LPP: variants seen among roughly 807,000 people sequenced by gnomAD.
The protein encoded by LPP is LIM domain containing preferred translocation partner in lipoma.
Under a neutral mutation model 60.4 loss-of-function variants are expected in LPP, and 38 were observed. That is an observed-to-expected ratio of 0.63 (90% CI 0.49 to 0.83). The LOEUF is 0.83. Among genes scored for constraint, LPP ranks in the 40% least tolerant of loss-of-function variants. The pLI is 0.00. For missense variants in LPP, 902 were observed against 783.6 expected (o/e 1.15, Z -1.80); for synonymous variants, 328 against 290.8 (o/e 1.13, Z -1.30).
intron 1 of LPP, among the ~76,000 whole-genome samples, chr3:188,203,388 A>G (rs1467528493): frequency 2.3e-5 from 2 of 86,574 alleles, no homozygotes; most frequent in Admixed American, 2.1e-4. Flanking sequence ...TAATATTTAT[A>G]TATTAATATA....
At chr3:188,740,962 C>A (rs1322807146) in intron 8 of LPP, among the ~76,000 whole-genome samples, 2 of 151,878 alleles carry the variant, frequency 1.3e-5, no homozygotes, top group East Asian at 1.9e-4. Context: ...AAATTTGAGG[C>A]AAAAACATTA....
chr3:188,675,571 C>T (rs1290892215), intron 7 of LPP, among the ~76,000 whole-genome samples: 1 of 152,110 alleles, frequency 6.6e-6, no homozygotes, highest in African/African-American at 2.4e-5. Flanking sequence ...AGCTTAGAAG[C>T]CAGTATATCA....
chr3:188,769,177 G>A (rs1186031287), intron 9 of LPP, among the ~76,000 whole-genome samples: 1 of 152,146 alleles, frequency 6.6e-6, no homozygotes, highest in Non-Finnish European at 1.5e-5. Context: ...AGTTTTGCAT[G>A]AATAATTAAC....
At chr3:188,375,155 G>C (rs56074231) in intron 3 of LPP, among the ~76,000 whole-genome samples, 2,550 of 152,202 alleles carry the variant, frequency 0.017, 43 homozygotes, top group Non-Finnish European at 0.026. Context: ...CAAGGATATT[G>C]GTCTAAAATT....
At chr3:188,337,419 G>A (rs751746503) in intron 2 of LPP, among the ~76,000 whole-genome samples, 9 of 152,204 alleles carry the variant, frequency 5.9e-5, no homozygotes, top group Non-Finnish European at 1.2e-4. Flanking sequence ...GAGGTCTGTA[G>A]CTGTTCAAGG....
At chr3:188,793,955 T>C (rs183040318) in intron 9 of LPP, among the ~76,000 whole-genome samples, 47 of 152,284 alleles carry the variant, frequency 3.1e-4, no homozygotes, top group Admixed American at 2.8e-3. Flanking sequence ...AGACTATTCA[T>C]AGCTCCAACT....
chr3:188,457,708 T>C (rs138273845), intron 4 of LPP, among the ~76,000 whole-genome samples: 5,188 of 141,892 alleles, frequency 0.037, 326 homozygotes, highest in African/African-American at 0.13. Flanking sequence ...CTGGCTAACA[T>C]GATGAAACAC....
At chr3:188,214,128 T>C (rs574542009) in intron 1 of LPP, among the ~76,000 whole-genome samples, 1 of 152,202 alleles carries the variant, frequency 6.6e-6, no homozygotes, top group East Asian at 1.9e-4. Context: ...CTTTTTTTTT[T>C]TTCTTTCTTT....
intron 5 of LPP, among the ~76,000 whole-genome samples, chr3:188,519,124 A>C (rs1196120567): frequency 6.6e-6 from 1 of 152,204 alleles, no homozygotes; most frequent in Non-Finnish European, 1.5e-5. Context: ...AGTGCCCCAA[A>C]ATATCACCTC....
chr3:188,568,044 T>C (rs868797775), intron 6 of LPP: 1 of 152,020 alleles, frequency 6.6e-6, no homozygotes, highest in Non-Finnish European at 1.5e-5. Flanking sequence ...CTGGACCCAA[T>C]TGTTAGTTGT....
At chr3:188,809,169 A>C (rs1050793400) in intron 9 of LPP, among the ~76,000 whole-genome samples, 16 of 152,248 alleles carry the variant, frequency 1.1e-4, no homozygotes, top group Admixed American at 3.3e-4. Flanking sequence ...TTTATAGTAG[A>C]ATGATTTATA....
intron 11 of LPP, among the ~76,000 whole-genome samples, chr3:188,873,199 T>G (rs1435665597): frequency 1.3e-5 from 2 of 152,214 alleles, no homozygotes; most frequent in Non-Finnish European, 2.9e-5. Flanking sequence ...CCTGAACGCC[T>G]CTAGAGCTGC....
chr3:188,753,187 T>C (rs998233499), intron 8 of LPP, among the ~76,000 whole-genome samples: 5 of 152,214 alleles, frequency 3.3e-5, no homozygotes, highest in Admixed American at 2.0e-4. Flanking sequence ...AGGTTTCTTA[T>C]CTAAAAAGGA....
intron 6 of LPP, among the ~76,000 whole-genome samples, chr3:188,540,556 A>T (rs1579779757): frequency 6.6e-6 from 1 of 152,144 alleles, no homozygotes; most frequent in East Asian, 1.9e-4. Context: ...CACTCCCCTG[A>T]CTCTAAATAT....
chr3:188,570,488 A>G (rs1833282370), intron 6 of LPP, among the ~76,000 whole-genome samples: 1 of 152,102 alleles, frequency 6.6e-6, no homozygotes, highest in Non-Finnish European at 1.5e-5. Context: ...GGCATAAAAT[A>G]GCCCAGCTGT....
intron 3 of LPP, among the ~76,000 whole-genome samples, chr3:188,388,112 C>G (rs1026138249): frequency 1.3e-5 from 2 of 151,854 alleles, no homozygotes; most frequent in African/African-American, 2.4e-5. Flanking sequence ...ACTTTCCAAT[C>G]TTTAGGATCC....
intron 7 of LPP, among the ~76,000 whole-genome samples, chr3:188,707,070 C>T (rs1025014883): frequency 1.3e-5 from 2 of 152,010 alleles, no homozygotes; most frequent in African/African-American, 4.8e-5. Context: ...ACTTTTTATT[C>T]TTCATTGATG....
At chr3:188,812,853 A>T (rs1176679262) in intron 9 of LPP, among the ~76,000 whole-genome samples, 3 of 151,940 alleles carry the variant, frequency 2.0e-5, no homozygotes, top group Non-Finnish European at 2.9e-5. Flanking sequence ...TACTCCAAAC[A>T]TCTAACATTC....
intron 6 of LPP, among the ~76,000 whole-genome samples, chr3:188,549,115 C>G (rs1435515502): frequency 6.6e-6 from 1 of 152,162 alleles, no homozygotes; most frequent in East Asian, 1.9e-4. Flanking sequence ...TGGAATTTCA[C>G]TGTGTACCAC....
Sources: allele counts gnomAD v4.1 joint callset (sites outside exome capture counted in the v4.1 genomes callset), GRCh38; gene constraint gnomAD v4.1.1; transcripts MANE v1.5; gene names NCBI Gene and HGNC (gene_info 2026-07-23, HGNC 2026-07-21).